The following ASIC2 variants were observed in gnomAD, a reference collection of about 807,000 sequenced individuals.
ASIC2 encodes acid-sensing ion channel 2.
ASIC2 carries 25 observed loss-of-function variants against 57.3 expected under a neutral mutation model. The ratio of observed to expected loss-of-function variants is 0.44; its 90% CI spans 0.32 to 0.61. ASIC2 has a LOEUF of 0.61. ASIC2 is among the 20% of genes least tolerant of loss of function. The probability of loss-of-function intolerance (pLI) is 0.06; values close to 1 mark genes in which losing one functional copy is unlikely to be tolerated. For missense variants in ASIC2, 641 were observed against 738.1 expected (o/e 0.87, Z 1.52); for synonymous variants, 319 against 307.5 (o/e 1.04, Z -0.39).
chr17:33,984,768 A>C (rs1905756189), intron 1 of ASIC2, among the ~76,000 whole-genome samples: 1 of 152,224 alleles, frequency 6.6e-6, no homozygotes, highest in Admixed American at 6.5e-5. Flanking sequence ...GGCTCTTGAC[A>C]CTATAGCTGT....
chr17:33,232,708 T>A (rs1908153159), intron 1 of ASIC2, among the ~76,000 whole-genome samples: 1 of 152,224 alleles, frequency 6.6e-6, no homozygotes, highest in Non-Finnish European at 1.5e-5. Flanking sequence ...AATCAGCCAA[T>A]TCAGAATCTT....
At chr17:33,746,385 C>CATATATGTAGAT in intron 1 of ASIC2, among the ~76,000 whole-genome samples, 1 of 145,746 alleles carries the variant, frequency 6.9e-6, no homozygotes, top group South Asian at 2.2e-4. Context: ...TGTATATCTA[C>CATATATGTAGAT]ATATATAGGT....
chr17:34,068,139 G>A (rs1020127486), intron 1 of ASIC2, among the ~76,000 whole-genome samples: 2 of 152,178 alleles, frequency 1.3e-5, no homozygotes, highest in African/African-American at 4.8e-5. Context: ...CCCAAATCGG[G>A]TAGGTGTGGA....
chr17:33,172,816 T>A (rs553400171), intron 1 of ASIC2, among the ~76,000 whole-genome samples: 1 of 152,198 alleles, frequency 6.6e-6, no homozygotes. Flanking sequence ...TCCTCCTGAA[T>A]CAGAAACTGT....
At chr17:33,460,284 G>A (rs1331451273) in intron 1 of ASIC2, among the ~76,000 whole-genome samples, 2 of 152,166 alleles carry the variant, frequency 1.3e-5, no homozygotes, top group Admixed American at 6.5e-5. Flanking sequence ...GAGCAAATGA[G>A]ACACAAGGTG....
At chr17:34,108,719 AAG>A (rs549837919) in intron 1 of ASIC2, among the ~76,000 whole-genome samples, 9 of 152,254 alleles carry the variant, frequency 5.9e-5, no homozygotes, top group East Asian at 3.9e-4. Context: ...AATGACTAAG[AAG>A]AGTGTTAAAA....
intron 2 of ASIC2, among the ~76,000 whole-genome samples, chr17:33,104,145 A>G (rs567123145): frequency 2.6e-5 from 4 of 152,086 alleles, no homozygotes; most frequent in African/African-American, 4.8e-5. Context: ...GCTGGCATCT[A>G]TTTACGGTTG....
At chr17:34,074,624 T>C (rs1909554825) in intron 1 of ASIC2, among the ~76,000 whole-genome samples, 1 of 151,938 alleles carries the variant, frequency 6.6e-6, no homozygotes, top group South Asian at 2.1e-4. Flanking sequence ...ACCCTGCGAG[T>C]AGGTAATTTG....
chr17:33,035,283 A>G (rs2141911301), intron 3 of ASIC2, among the ~76,000 whole-genome samples: 1 of 152,206 alleles, frequency 6.6e-6, no homozygotes, highest in East Asian at 1.9e-4. Context: ...TAATTCTAAC[A>G]TTGGGGTTAT....
chr17:33,780,949 A>G (rs1342136248), intron 1 of ASIC2, among the ~76,000 whole-genome samples: 1 of 152,136 alleles, frequency 6.6e-6, no homozygotes, highest in African/African-American at 2.4e-5. Context: ...CATAAAATGG[A>G]TGTGATAAGT....
chr17:33,871,918 A>G (rs1567741107), intron 1 of ASIC2, among the ~76,000 whole-genome samples: 1 of 152,086 alleles, frequency 6.6e-6, no homozygotes, highest in Non-Finnish European at 1.5e-5. Flanking sequence ...CACACTCTGC[A>G]GAGGGAGAGA....
At chr17:33,818,482 G>A (rs1347242897) in intron 1 of ASIC2, among the ~76,000 whole-genome samples, 1 of 152,190 alleles carries the variant, frequency 6.6e-6, no homozygotes, top group Non-Finnish European at 1.5e-5. Context: ...TGGATTTGAA[G>A]CTCTATGTGG....
At chr17:33,513,261 A>G (rs998279106) in intron 1 of ASIC2, among the ~76,000 whole-genome samples, 2 of 152,076 alleles carry the variant, frequency 1.3e-5, no homozygotes, top group Non-Finnish European at 2.9e-5. Context: ...CATTTATTTT[A>G]TGATTCTTTA....
At chr17:33,332,070 T>C (rs551088010) in intron 1 of ASIC2, among the ~76,000 whole-genome samples, 1 of 152,378 alleles carries the variant, frequency 6.6e-6, no homozygotes, top group Admixed American at 6.5e-5. Context: ...TAAAAGCTAC[T>C]GCTTTACCTG....
intron 1 of ASIC2, among the ~76,000 whole-genome samples, chr17:33,678,786 A>G (rs1358903015): frequency 6.6e-6 from 1 of 152,114 alleles, no homozygotes; most frequent in Non-Finnish European, 1.5e-5. Context: ...GAGTGCCCAC[A>G]TCCCAGGGGG....
intron 1 of ASIC2, among the ~76,000 whole-genome samples, chr17:33,301,331 A>C (rs1321713165): frequency 6.6e-6 from 1 of 151,924 alleles, no homozygotes; most frequent in Non-Finnish European, 1.5e-5. Flanking sequence ...GTGAGCCACC[A>C]CGCCTGGCCA....
intron 1 of ASIC2, among the ~76,000 whole-genome samples, chr17:34,114,347 G>A (rs1911366397): frequency 6.6e-6 from 1 of 152,174 alleles, no homozygotes; most frequent in African/African-American, 2.4e-5. Flanking sequence ...AGGACAGCAT[G>A]TTCTGTCCCA....
intron 1 of ASIC2, among the ~76,000 whole-genome samples, chr17:33,666,774 C>T (rs761347058): frequency 1.3e-4 from 20 of 152,112 alleles, no homozygotes; most frequent in Admixed American, 2.6e-4. Flanking sequence ...GACAGTGCTC[C>T]CCAGCATGGT....
intron 1 of ASIC2, among the ~76,000 whole-genome samples, chr17:33,789,504 G>C (rs933165702): frequency 8.9e-6 from 1 of 111,760 alleles, no homozygotes; most frequent in Admixed American, 8.8e-5. Context: ...ACACACACAC[G>C]TGCAGCATTT....
Sources: allele counts gnomAD v4.1 joint callset (sites outside exome capture counted in the v4.1 genomes callset), GRCh38; gene constraint gnomAD v4.1.1; transcripts MANE v1.5; gene names NCBI Gene and HGNC (gene_info 2026-07-23, HGNC 2026-07-21).